Variants in KIRREL3 observed in about 807,000 individuals in gnomAD.
KIRREL3 encodes kin of IRRE-like protein 3.
Under a neutral mutation model 89.7 loss-of-function variants are expected in KIRREL3, and 36 were observed. The observed-to-expected ratio is 0.40, with a 90% CI of 0.31 to 0.53. The LOEUF (loss-of-function observed/expected upper bound fraction) is 0.53, where lower values mean the gene tolerates loss of function less well. Among genes scored for constraint, KIRREL3 ranks in the 20% least tolerant of loss-of-function variants. The pLI is 0.49. For missense variants in KIRREL3, 864 were observed against 1,056.6 expected, an observed-to-expected ratio of 0.82 and a Z score of 2.53; for synonymous variants, 445 against 441.4, an observed-to-expected ratio of 1.01 and a Z score of -0.10.
Position 126,605,955 on chromosome 11 carries a change from C to T in KIRREL3, c.56-43043G>A, listed in dbSNP as rs1467066186. Reference sequence around the variant, plus strand: ...TCAGGGAAGTGACACACAGAATGGCCCCTTTGGCAGGGAGCAGTGAGCCAT... The same window carrying T: ...TCAGGGAAGTGACACACAGAATGGCTCCTTTGGCAGGGAGCAGTGAGCCAT... On this transcript the variant is annotated intron_variant, in intron 1 of 16. Transcript: ENST00000525144. The surrounding 1 kb of genome is among the most constrained non-coding windows in gnomAD (Gnocchi z 5.7). Among the ~76,000 whole-genome samples, 2 of 152,192 alleles carry T rather than the reference C, an allele frequency of 1.3e-5. No homozygotes were observed. Among genetic ancestry groups the T allele is most frequent in the Non-Finnish European group, 2.9e-5 (2 of 68,034 alleles).
intron 4 of KIRREL3, among the ~76,000 whole-genome samples, chr11:126,487,028 C>G (rs532678393): frequency 1.1e-4 from 16 of 152,232 alleles, no homozygotes; most frequent in African/African-American, 3.9e-4. Context: ...AGAAATCCTG[C>G]CTACCGATAC....
intron 1 of KIRREL3, among the ~76,000 whole-genome samples, chr11:126,828,027 G>C (rs983603353): frequency 3.9e-5 from 6 of 152,198 alleles, no homozygotes; most frequent in African/African-American, 1.4e-4. Context: ...TCTGTAAAAT[G>C]GGGATAATAT....
chr11:126,756,218 T>C (rs765341097), intron 1 of KIRREL3, among the ~76,000 whole-genome samples: 1 of 152,212 alleles, frequency 6.6e-6, no homozygotes, highest in Non-Finnish European at 1.5e-5. Context: ...CAAAATAAGA[T>C]TCCCATGATG....
chr11:126,728,385 T>G (rs976891112), intron 1 of KIRREL3, among the ~76,000 whole-genome samples: 1 of 152,072 alleles, frequency 6.6e-6, no homozygotes, highest in Non-Finnish European at 1.5e-5. Flanking sequence ...AGAGTGTGTG[T>G]CCCACCTCCC....
chr11:126,882,357 C>G (rs1214581886), intron 1 of KIRREL3, among the ~76,000 whole-genome samples: 1 of 152,226 alleles, frequency 6.6e-6, no homozygotes, highest in African/African-American at 2.4e-5. Flanking sequence ...ACATCCATTG[C>G]TGAACCTCCT....
intron 1 of KIRREL3, among the ~76,000 whole-genome samples, chr11:126,809,989 C>T (rs1951326434): frequency 6.6e-6 from 1 of 152,134 alleles, no homozygotes; most frequent in South Asian, 2.1e-4. Flanking sequence ...TGTCATTCGC[C>T]TCAGCTTGTT....
intron 5 of KIRREL3, among the ~76,000 whole-genome samples, chr11:126,465,257 A>G (rs192040608): frequency 1.3e-5 from 2 of 152,278 alleles, no homozygotes; most frequent in Non-Finnish European, 1.5e-5. Context: ...GACAATGGCA[A>G]TGTCTCTAAT....
chr11:126,799,592 G>A (rs78711855), intron 1 of KIRREL3, among the ~76,000 whole-genome samples: 2,729 of 151,756 alleles, frequency 0.018, 91 homozygotes, highest in African/African-American at 0.063. Flanking sequence ...ACTTGAGCCC[G>A]TGTGGAACTC....
In KIRREL3 at chr11:126,450,918, C is replaced by T. The variant is rs565375951; in HGVS notation, c.849-1761G>A. On this transcript the variant is annotated intron_variant, in intron 7 of 16. Coordinates refer to ENST00000525144, the MANE Select transcript of KIRREL3 (RefSeq NM_032531.4). Reference sequence around the variant, plus strand: ...GTGTGTGCATGTGCGTGTGTGTCCACGTGCATGTGTGCATGTGTGTGGGCG... The same window carrying T: ...GTGTGTGCATGTGCGTGTGTGTCCATGTGCATGTGTGCATGTGTGTGGGCG... Among the ~76,000 whole-genome samples the T allele has an allele frequency of 4.4e-3, 515 of 117,044 alleles. 3 individuals are homozygous for T. The highest frequency in any genetic ancestry group is 0.016 in the African/African-American group (476 of 30,028). 76.8% of individuals were successfully genotyped at this position (117,044 alleles called of 152,430 possible). A position where few individuals can be genotyped will look rare whatever the true frequency, so the allele number is the denominator to read the frequency against.
At chr11:126,659,424 G>A (rs577727468) in intron 1 of KIRREL3, among the ~76,000 whole-genome samples, 16 of 152,256 alleles carry the variant, frequency 1.1e-4, no homozygotes, top group African/African-American at 3.9e-4. Context: ...AGAAGCCTGC[G>A]ACTTGTGGGT....
chr11:126,472,960 C>A (rs1158690588), intron 5 of KIRREL3, among the ~76,000 whole-genome samples: 2 of 111,392 alleles, frequency 1.8e-5, no homozygotes, highest in African/African-American at 3.4e-5. Context: ...AGCCCCTCCC[C>A]AGCAGCCCCC....
rs1025285578 is a variant in KIRREL3 at position 126,506,204 on chromosome 11, G to A, written c.433+15111C>T. Among the ~76,000 whole-genome samples, 7 of 152,058 alleles carry A rather than the reference G, an allele frequency of 4.6e-5. No homozygotes were observed. In the South Asian group the frequency reaches 1.5e-3, roughly 32 times the overall value. ...TCTTTGTGACCTTTGATTAGGCAGA[G>A]TTCTTAGAGACAATATCAAAAACAC... On this transcript the variant is annotated intron_variant, in intron 4 of 16. Coordinates refer to ENST00000525144, the MANE Select transcript of KIRREL3 (RefSeq NM_032531.4).
At chr11:126,938,936 G>A (rs1948318054) in intron 1 of KIRREL3, among the ~76,000 whole-genome samples, 1 of 152,154 alleles carries the variant, frequency 6.6e-6, no homozygotes, top group South Asian at 2.1e-4. Context: ...GAACAAGTAG[G>A]ATGAGACAGG....
At chr11:126,597,148 C>G (rs760755082) in intron 1 of KIRREL3, among the ~76,000 whole-genome samples, 1 of 152,246 alleles carries the variant, frequency 6.6e-6, no homozygotes, top group Non-Finnish European at 1.5e-5. Context: ...GCACGAGTTA[C>G]CCAGAACTAC....
intron 1 of KIRREL3, among the ~76,000 whole-genome samples, chr11:126,784,440 A>G (rs1201849970): frequency 1.3e-5 from 2 of 152,158 alleles, no homozygotes; most frequent in Non-Finnish European, 1.5e-5. Context: ...TAATAAGTGA[A>G]CATAGCCTCA....
chr11:126,803,634 G>A (rs973117738), intron 1 of KIRREL3, among the ~76,000 whole-genome samples: 1 of 152,048 alleles, frequency 6.6e-6, no homozygotes, highest in Non-Finnish European at 1.5e-5. Context: ...GCCTCTTAAT[G>A]AAAAGAGGGC....
chr11:126,530,916 T>G lies in KIRREL3; in HGVS notation c.134-4229A>C, dbSNP rs1457986534. Among the ~76,000 whole-genome samples, 1 of 152,052 alleles carries G rather than the reference T, an allele frequency of 6.6e-6. No homozygotes were observed. Among genetic ancestry groups the G allele is most frequent in the Non-Finnish European group, 1.5e-5 (1 of 68,004 alleles). ...TGCGATCTCCGCTCATTGCAACCTT[T>G]GCCTCCCGGGTTCAAGCGATTCTTC... On this transcript the variant is annotated intron_variant, in intron 2 of 16. Transcript: ENST00000525144. This position sits in a 1 kb window ranked among gnomAD's most constrained non-coding sequence, Gnocchi z 5.8.
intron 1 of KIRREL3, among the ~76,000 whole-genome samples, chr11:126,674,190 G>T (rs968357905): frequency 3.9e-5 from 6 of 152,164 alleles, no homozygotes; most frequent in Non-Finnish European, 8.8e-5. Context: ...AATGTTTTGG[G>T]AATTCTGTTG....
In KIRREL3 at chr11:126,440,531, C is replaced by T. The variant is rs1322502625; in HGVS notation, c.1271G>A (p.Ser424Asn). The change falls in exon 11 of 17, where the codon AGC becomes AAC. Residue 424 changes from serine (S) to asparagine (N), a missense_variant. Ser to Asn is a conservative substitution (Grantham distance 46, BLOSUM62 1). Coordinates refer to ENST00000525144, the MANE Select transcript of KIRREL3 (RefSeq NM_032531.4). ...GTGGAGGGCGTGCTGGGTCTGGGTG[C>T]TGGAGATGATGGGGGGTCCTGTTGA... is the stretch of plus-strand genomic sequence containing the variant. ...LTVNGPPIIS[S>N]TQTQHALHGE... The T allele has an allele frequency of 1.9e-6, 3 of 1,600,672 alleles. No homozygotes were observed. The highest frequency in any genetic ancestry group is 1.7e-5 in the Admixed American group (1 of 58,144).
Sources: gnomAD v4.1 joint callset for allele counts (sites outside exome capture counted in the v4.1 genomes callset) on GRCh38, gnomAD v4.1.1 for gene constraint, Gnocchi (gnomAD v3.1) non-coding constraint, MANE v1.5 for transcripts, NCBI Gene and HGNC (gene_info 2026-07-23, HGNC 2026-07-21) for gene names.